The following ST3GAL5 variants were observed in gnomAD, a reference collection of about 807,000 sequenced individuals.
The protein encoded by ST3GAL5 is lactosylceramide alpha-2,3-sialyltransferase.
Under a neutral mutation model 46.1 loss-of-function variants are expected in ST3GAL5, and 25 were observed. The observed-to-expected ratio is 0.54, with a 90% CI of 0.40 to 0.76. The LOEUF is 0.76. Ranked by LOEUF, ST3GAL5 falls within the 30% of genes least tolerant of loss-of-function variation. The pLI is 0.00. For missense variants in ST3GAL5, 431 were observed against 521.2 expected (o/e 0.83, Z 1.69); for synonymous variants, 182 against 192.7 (o/e 0.94, Z 0.46).
intron 3 of ST3GAL5, among the ~76,000 whole-genome samples, chr2:85,852,614 C>G (rs926238408): frequency 6.6e-6 from 1 of 152,178 alleles, no homozygotes; most frequent in South Asian, 2.1e-4. Flanking sequence ...CCGGGGAACT[C>G]GCTTGGGCCA....
intron 1 of ST3GAL5, chr2:85,866,245 G>T (rs542014794): frequency 1.1e-4 from 16 of 152,144 alleles, no homozygotes; most frequent in African/African-American, 3.9e-4. Flanking sequence ...TTCATTCTTT[G>T]GTATCTGAAC....
chr2:85,886,542 T>TA lies in ST3GAL5; in HGVS notation c.82+2281dup, dbSNP rs544501003. On this transcript the variant is annotated intron_variant, in intron 1 of 6. Coordinates refer to ENST00000638572, the MANE Select transcript of ST3GAL5 (RefSeq NM_003896.4). ...ACTTTCCTAGTATCTATGCTATACTTAAAAAAAAAAGAGGAAAAAAAAGTT... is the reference window on the plus strand; with the variant it reads ...ACTTTCCTAGTATCTATGCTATACTTAAAAAAAAAAAGAGGAAAAAAAAGTT... Among the ~76,000 whole-genome samples the TA allele has an allele frequency of 1.2e-3, 180 of 148,270 alleles. 1 individual carries two copies. Among genetic ancestry groups the TA allele is most frequent in the African/African-American group, 3.9e-3 (157 of 40,504 alleles).
At chr2:85,877,295 A>G (rs987932850) in intron 1 of ST3GAL5, among the ~76,000 whole-genome samples, 1 of 152,138 alleles carries the variant, frequency 6.6e-6, no homozygotes, top group African/African-American at 2.4e-5. Context: ...TCATTTTCTT[A>G]TTTTCTGTTA....
At position 85,872,183 on chromosome 2, in the gene ST3GAL5, C is replaced by T. The variant is rs186403770; in HGVS notation, c.83-8698G>A. On this transcript the variant is annotated intron_variant, in intron 1 of 6. Coordinates refer to ENST00000638572, the MANE Select transcript of ST3GAL5 (RefSeq NM_003896.4). ...GCCAGAACAAAGGCAAGACTGATGA[C>T]GAACAGAAGACAAACAAAAGCAAGA... Among the ~76,000 whole-genome samples the T allele has an allele frequency of 2.7e-3, 404 of 152,070 alleles. 3 individuals are homozygous for T. Among genetic ancestry groups the T allele is most frequent in the African/African-American group, 6.8e-3 (282 of 41,462 alleles).
chr2:85,871,101 A>G (rs1346755448), intron 1 of ST3GAL5, among the ~76,000 whole-genome samples: 1 of 150,226 alleles, frequency 6.7e-6, no homozygotes, highest in African/African-American at 2.5e-5. Context: ...GCAGTGGTGC[A>G]ATCATGGCTC....
At chr2:85,867,680 G>A in intron 1 of ST3GAL5, 1 of 780,606 alleles carries the variant, frequency 1.3e-6, no homozygotes, top group Admixed American at 1.7e-5. Flanking sequence ...GACTGAGGGT[G>A]TATACACCCA....
chr2:85,847,673 G>C, intron 4 of ST3GAL5, 188 bp downstream of exon 4: 1 of 1,310,110 alleles, frequency 7.6e-7, no homozygotes, highest in South Asian at 1.6e-5. Context: ...TGTGTGCCTG[G>C]GGTCCCAGCT....
rs147427452 is a variant in ST3GAL5, at chr2:85,873,354, G to A, written c.83-9869C>T. On this transcript the variant is annotated intron_variant, in intron 1 of 6. Coordinates refer to ENST00000638572, the MANE Select transcript of ST3GAL5 (RefSeq NM_003896.4). ...ATCAGGAGTCAAGTTGGGTTAGCAA[G>A]GTCAAGGTAGATTAAGGTAAAGGTC... Among the ~76,000 whole-genome samples the A allele has an allele frequency of 5.1e-4, 78 of 152,268 alleles. 1 individual carries two copies. The highest frequency in any genetic ancestry group is 1.7e-3 in the African/African-American group (71 of 41,548).
chr2:85,866,643 C>A (rs548366899), intron 1 of ST3GAL5, among the ~76,000 whole-genome samples: 4 of 152,352 alleles, frequency 2.6e-5, no homozygotes, highest in African/African-American at 9.6e-5. Context: ...CATCCTTAAA[C>A]CCAGCTCAAG....
intron 3 of ST3GAL5, among the ~76,000 whole-genome samples, chr2:85,859,572 T>G (rs138854155): frequency 6.6e-6 from 1 of 152,212 alleles, no homozygotes; most frequent in Non-Finnish European, 1.5e-5. Flanking sequence ...AGGACACCTA[T>G]GCTGGGAAGG....
chr2:85,878,374 C>A (rs188011997), intron 1 of ST3GAL5, among the ~76,000 whole-genome samples: 70 of 152,122 alleles, frequency 4.6e-4, no homozygotes, highest in African/African-American at 1.5e-3. Context: ...GATATACTAT[C>A]ATGACGGGGG....
At chr2:85,846,619 T>C in intron 4 of ST3GAL5, 56 bp from the exon 5 acceptor site, 1 of 1,518,076 alleles carries the variant, frequency 6.6e-7, no homozygotes, top group Non-Finnish European at 9.1e-7. Flanking sequence ...CAACCATCTC[T>C]GTACACCAGG....
intron 1 of ST3GAL5, chr2:85,868,128 G>T (rs1380713192): frequency 5.9e-6 from 1 of 170,534 alleles, no homozygotes; most frequent in Non-Finnish European, 1.3e-5. Context: ...CTTATCAGCT[G>T]AAAGTCATGA....
At position 85,878,635 on chromosome 2, in the gene ST3GAL5, C is replaced by G. The variant is rs1305941217; in HGVS notation, c.82+10189G>C. On this transcript the variant is annotated intron_variant, in intron 1 of 6. Transcript: ENST00000638572. The stretch of plus-strand genomic sequence containing the variant: ...TAATTTTCTTTGTTTACCTAACAAT[C>G]CTTTAAATAAAAATTTCATAAGCTT... Among the ~76,000 whole-genome samples, 4 of 152,298 alleles carry G rather than the reference C, an allele frequency of 2.6e-5. No individual in the cohort carries two copies. In the South Asian group the frequency reaches 8.3e-4, roughly 32 times the overall value.
intron 1 of ST3GAL5, among the ~76,000 whole-genome samples, chr2:85,883,854 G>A (rs777502242): frequency 6.6e-6 from 1 of 152,156 alleles, no homozygotes; most frequent in Non-Finnish European, 1.5e-5. Flanking sequence ...GTCCTCTCAC[G>A]AAGCAGGACC....
chr2:85,888,634 C>T, intron 1 of ST3GAL5, 190 bp downstream of exon 1: 1 of 337,360 alleles, frequency 3.0e-6, no homozygotes, highest in Non-Finnish European at 5.0e-6. Context: ...GCCCGGTCCA[C>T]ACGGCCCGGG....
At chr2:85,872,073 C>A (rs1685987060) in intron 1 of ST3GAL5, among the ~76,000 whole-genome samples, 1 of 152,132 alleles carries the variant, frequency 6.6e-6, no homozygotes, top group Non-Finnish European at 1.5e-5. Flanking sequence ...CTGGGCCCTC[C>A]CTACTGTGGT....
chr2:85,844,013 CTT>C (rs1323617513), intron 6 of ST3GAL5, among the ~76,000 whole-genome samples: 7 of 151,918 alleles, frequency 4.6e-5, no homozygotes, highest in Non-Finnish European at 7.4e-5. Context: ...GTAAATATGA[CTT>C]TTCTCTGGGG....
At chr2:85,882,833 T>TAAAAAAAA (rs1573725499) in intron 1 of ST3GAL5, among the ~76,000 whole-genome samples, 1 of 28,340 alleles carries the variant, frequency 3.5e-5, no homozygotes, top group Non-Finnish European at 7.5e-5. Context: ...AGACTCTGTC[T>TAAAAAAAA]CAAAAAAAAA....
Sources: gnomAD v4.1 joint callset for allele counts (sites outside exome capture counted in the v4.1 genomes callset) on GRCh38, gnomAD v4.1.1 for gene constraint, MANE v1.5 for transcripts, NCBI Gene and HGNC (gene_info 2026-07-23, HGNC 2026-07-21) for gene names.